Variants in APC observed in about 807,000 individuals in gnomAD.
The protein encoded by APC is APC regulator of Wnt signaling pathway, also known as adenomatous polyposis coli protein.
In APC, 72 loss-of-function variants were observed where a neutral mutation model predicts 247.0. The ratio of observed to expected loss-of-function variants is 0.29; its 90% confidence interval spans 0.24 to 0.35. The LOEUF is 0.35. APC is among the 10% of genes least tolerant of loss of function. APC has a pLI of 1.00. For missense variants in APC, 3,400 were observed against 3,360.7 expected, an observed-to-expected ratio of 1.01 and a Z score of -0.29; for synonymous variants, 1,254 against 1,162.5, an observed-to-expected ratio of 1.08 and a Z score of -1.60.
intron 1 of APC, among the ~76,000 whole-genome samples, chr5:112,722,328 C>G (rs1751525771): frequency 6.6e-6 from 1 of 152,168 alleles, no homozygotes; most frequent in Admixed American, 6.5e-5. Context: ...TCTGCTCTTG[C>G]ACCACCACAA....
At chr5:112,821,479 G>A (rs925506407) in intron 10 of APC, among the ~76,000 whole-genome samples, 5 of 151,866 alleles carry the variant, frequency 3.3e-5, no homozygotes, top group Admixed American at 6.6e-5. Context: ...ACTCGAGCCT[G>A]GGCAACAGAG....
chr5:112,767,236 A>T lies in APC; in HGVS notation c.268A>T (p.Lys90Ter), dbSNP rs763184444. ...SNFPGVKLRS[K>*]MSLRSYGSRE... ...TTTCCCTGGAGTAAAACTGCGGTCAAAAATGTCCCTCCGTTCTTATGGAAG... is the reference window on the plus strand; with the variant it reads ...TTTCCCTGGAGTAAAACTGCGGTCATAAATGTCCCTCCGTTCTTATGGAAG... The change falls in exon 4 of 16, where the codon AAA (lysine) becomes TAA (stop). Residue 90 changes from lysine (K) to a stop codon, truncating the protein, a stop_gained. Transcript: ENST00000257430. LOFTEE classifies it high-confidence loss of function. 1 of 1,614,214 alleles carries T rather than the reference A, an allele frequency of 6.2e-7. No homozygotes were observed. The highest frequency in any genetic ancestry group is 8.5e-7 in the Non-Finnish European group (1 of 1,180,026).
At chr5:112,836,505 T>G (rs1764963751) in intron 15 of APC, among the ~76,000 whole-genome samples, 2 of 152,138 alleles carry the variant, frequency 1.3e-5, no homozygotes, top group South Asian at 4.1e-4. Context: ...CATTCAGTTT[T>G]AAAGCCCACT....
At chr5:112,815,030 T>G (rs545959717) in intron 8 of APC, among the ~76,000 whole-genome samples, 3 of 152,350 alleles carry the variant, frequency 2.0e-5, no homozygotes, top group African/African-American at 7.2e-5. Context: ...GTCATTTATT[T>G]TTTCATGTCT....
Position 112,841,522 on chromosome 5 carries a change from C to T in APC, c.5928C>T (p.Asp1976=), listed in dbSNP as rs1272676665. 6.2e-7 allele frequency: 1 copy of T among 1,613,804 alleles called. No homozygotes were observed. The highest frequency in any genetic ancestry group is 2.2e-5 in the East Asian group (1 of 44,864). ...NSSLSSLSDI[D]QENNNKENEP... is the part of the protein sequence containing the mutation. ...CTCTGAGTTCTCTCAGTGACATTGA[C>T]CAAGAAAACAACAATAAAGAAAATG... The change falls in exon 16 of 16, where the codon GAC becomes GAT. Residue 1976 remains aspartate, a synonymous_variant. Transcript: ENST00000257430. The surrounding 1 kb of genome is among the most constrained non-coding windows in gnomAD (Gnocchi z 4.6).
At chr5:112,760,384 G>C (rs1190101592) in intron 2 of APC, among the ~76,000 whole-genome samples, 1 of 152,190 alleles carries the variant, frequency 6.6e-6, no homozygotes, top group East Asian at 1.9e-4. Flanking sequence ...GCGAAGTCCT[G>C]CTAGAGGGAG....
At chr5:112,776,839 C>T (rs1757709697) in intron 5 of APC, among the ~76,000 whole-genome samples, 1 of 150,916 alleles carries the variant, frequency 6.6e-6, no homozygotes, top group African/African-American at 2.4e-5. Context: ...AGCAAGACTC[C>T]ATCTCAAAAC....
intron 1 of APC, among the ~76,000 whole-genome samples, chr5:112,745,532 A>G (rs964363129): frequency 2.7e-5 from 4 of 149,846 alleles, no homozygotes; most frequent in Non-Finnish European, 5.9e-5. Context: ...AAGGAAATAA[A>G]TGAATTAATA....
chr5:112,830,534 C>G (rs931681452), intron 14 of APC, among the ~76,000 whole-genome samples: 2 of 152,322 alleles, frequency 1.3e-5, no homozygotes, highest in Middle Eastern at 3.4e-3. Context: ...TATGACCCAA[C>G]CATTCCACTT....
intron 1 of APC, among the ~76,000 whole-genome samples, chr5:112,749,479 A>ATTTTTTTT (rs536428390): frequency 6.2e-4 from 65 of 104,056 alleles, no homozygotes; most frequent in East Asian, 1.2e-3. Context: ...TACTGCTCCA[A>ATTTTTTTT]TTTTTTTTTT....
chr5:112,838,454 T>C lies in APC; in HGVS notation c.2860T>C (p.Leu954=), dbSNP rs863224278. 2.5e-6 allele frequency: 4 copies of C among 1,614,054 alleles called. No homozygotes were observed. Among genetic ancestry groups the C allele is most frequent in the Non-Finnish European group, 3.4e-6 (4 of 1,180,032 alleles). ...NRTCSMPYAK[L]EYKRSSNDSL... Reference sequence around the variant, plus strand: ...GACATGTTCTATGCCTTATGCCAAATTAGAATACAAGAGATCTTCAAATGA... The same window carrying C: ...GACATGTTCTATGCCTTATGCCAAACTAGAATACAAGAGATCTTCAAATGA... Residue 954 remains leucine (L), a synonymous_variant, in exon 16 of 16, where the codon TTA becomes CTA. Transcript: ENST00000257430.
intron 14 of APC, among the ~76,000 whole-genome samples, chr5:112,833,989 T>A (rs1343988624): frequency 2.0e-5 from 3 of 152,106 alleles, no homozygotes; most frequent in Non-Finnish European, 4.4e-5. Flanking sequence ...GGTCTCACTG[T>A]CAACCAGGCT....
chr5:112,786,263 T>TG (rs1758940551), intron 6 of APC, among the ~76,000 whole-genome samples: 1 of 152,048 alleles, frequency 6.6e-6, no homozygotes, highest in African/African-American at 2.4e-5. Flanking sequence ...TAACCCATGT[T>TG]TTTTAATGGA....
chr5:112,792,088 A>C (rs1284596387), intron 6 of APC, among the ~76,000 whole-genome samples: 6 of 152,170 alleles, frequency 3.9e-5, no homozygotes, highest in Admixed American at 3.9e-4. Flanking sequence ...GCTACTAAAA[A>C]TACAAAAATT....
rs559877620 is a variant in APC at position 112,740,056 on chromosome 5, A to G, written c.-19+2131A>G. On this transcript the variant is annotated intron_variant, in intron 1 of 15. Transcript: ENST00000257430. ...ATGCCTTTTATTACATACATACAAA[A>G]TAATATATAACAGAGGTAATTTGAA... Among the ~76,000 whole-genome samples, 4 of 151,386 alleles carry G rather than the reference A, an allele frequency of 2.6e-5. No individual in the cohort carries two copies. The South Asian group carries it at 8.4e-4, about 32-fold the overall frequency.
chr5:112,816,913 G>C (rs1762571331), intron 9 of APC, among the ~76,000 whole-genome samples: 1 of 151,662 alleles, frequency 6.6e-6, no homozygotes, highest in Non-Finnish European at 1.5e-5. Context: ...CTGTTGCCCA[G>C]GCTGTAGTGC....
chr5:112,739,686 A>G (rs1473390000), intron 1 of APC, among the ~76,000 whole-genome samples: 1 of 152,152 alleles, frequency 6.6e-6, no homozygotes, highest in Non-Finnish European at 1.5e-5. Flanking sequence ...CTGGGCAACC[A>G]AGCAAGACCC....
In APC at chr5:112,802,249, T is replaced by C. The variant is rs1760906320; in HGVS notation, c.834+866T>C. Among the ~76,000 whole-genome samples, 2 of 152,132 alleles carry C rather than the reference T, an allele frequency of 1.3e-5. 1 individual carries two copies. Among genetic ancestry groups the C allele is most frequent in the South Asian group, 4.1e-4 (2 of 4,836 alleles). Reference sequence around the variant, plus strand: ...ATTAAAATGTAAAGCTTAAAATGTCTTATTAAGTATTTAAATTTATTTTAC... The same window carrying C: ...ATTAAAATGTAAAGCTTAAAATGTCCTATTAAGTATTTAAATTTATTTTAC... On this transcript the variant is annotated intron_variant, in intron 8 of 15. Transcript: ENST00000257430.
chr5:112,735,192 T>C (rs1752315775), upstream of APC, among the ~76,000 whole-genome samples: 1 of 151,918 alleles, frequency 6.6e-6, no homozygotes, highest in African/African-American at 2.4e-5. Flanking sequence ...AATATATATA[T>C]CTTTTGAGAC....
Sources: allele counts gnomAD v4.1 joint callset (sites outside exome capture counted in the v4.1 genomes callset), GRCh38; gene constraint gnomAD v4.1.1; non-coding constraint Gnocchi (gnomAD v3.1); transcripts MANE v1.5; gene names NCBI Gene and HGNC (gene_info 2026-07-23, HGNC 2026-07-21).